The following PODXL variants were observed in gnomAD, a reference collection of about 807,000 sequenced individuals.
The protein encoded by PODXL is podocalyxin.
In PODXL, 20 loss-of-function variants were observed where a neutral mutation model predicts 48.9. That is an observed-to-expected ratio of 0.41 (90% CI 0.29 to 0.59). The LOEUF is 0.59. Ranked by LOEUF, PODXL falls within the 20% of genes least tolerant of loss-of-function variation. PODXL has a pLI of 0.31. For missense variants in PODXL, 606 were observed against 675.1 expected (o/e 0.90, Z 1.13); for synonymous variants, 295 against 287.4 (o/e 1.03, Z -0.27).
intron 1 of PODXL, among the ~76,000 whole-genome samples, chr7:131,526,083 G>C (rs1798181248): frequency 6.6e-6 from 1 of 152,174 alleles, no homozygotes; most frequent in African/African-American, 2.4e-5. Flanking sequence ...TTTGGTTTCT[G>C]ATACCATTCT....
At chr7:131,551,806 G>T (rs975881533) in intron 1 of PODXL, among the ~76,000 whole-genome samples, 3 of 152,026 alleles carry the variant, frequency 2.0e-5, no homozygotes, top group African/African-American at 7.2e-5. Context: ...GCGTGGAGGT[G>T]GGCGCCTGTA....
At chr7:131,524,379 C>CACAGAGAGAGAGAGAGAG (rs746255906) in intron 1 of PODXL, among the ~76,000 whole-genome samples, 2,474 of 103,892 alleles carry the variant, frequency 0.024, 94 homozygotes, top group Middle Eastern at 0.037. Flanking sequence ...CACACACACA[C>CACAGAGAGAGAGAGAGAG]AGAGAGAGAG....
intron 7 of PODXL, 34 bp from the exon 8 acceptor site, chr7:131,506,069 C>T: frequency 1.3e-6 from 2 of 1,594,760 alleles, no homozygotes; most frequent in Non-Finnish European, 1.7e-6. Flanking sequence ...AGGCTGGGGG[C>T]ATCCTCTCTC....
intron 1 of PODXL, among the ~76,000 whole-genome samples, chr7:131,531,013 G>A (rs542018332): frequency 9.2e-5 from 14 of 151,842 alleles, no homozygotes; most frequent in African/African-American, 2.9e-4. Context: ...AGCCAAGATC[G>A]CACCATTGCA....
At chr7:131,532,158 G>A (rs1358028499) in intron 1 of PODXL, among the ~76,000 whole-genome samples, 2 of 148,424 alleles carry the variant, frequency 1.3e-5, no homozygotes, top group South Asian at 2.1e-4. Flanking sequence ...ACACGTGGCC[G>A]GGCGTGGTGG....
chr7:131,504,919 G>A (rs182845086), intron 8 of PODXL, among the ~76,000 whole-genome samples: 1 of 152,186 alleles, frequency 6.6e-6, no homozygotes, highest in African/African-American at 2.4e-5. Flanking sequence ...TGGGCAGGAT[G>A]GGTACGGTGT....
At chr7:131,512,256 C>T (rs372957787) in intron 1 of PODXL, among the ~76,000 whole-genome samples, 5 of 152,062 alleles carry the variant, frequency 3.3e-5, no homozygotes, top group African/African-American at 1.2e-4. Flanking sequence ...ATGGTGAACA[C>T]GACACAGAGA....
chr7:131,556,355 C>G lies in PODXL; in HGVS notation c.5G>C (p.Arg2Pro). 7.0e-7 allele frequency: 1 copy of G among 1,427,520 alleles called. No homozygotes were observed. Among genetic ancestry groups the G allele is most frequent in the African/African-American group, 1.5e-5 (1 of 67,720 alleles). The allele number at this position is 1,427,520 out of a possible 1,614,324, so 88.4% of individuals were successfully genotyped here. Reference protein sequence around the residue: MRCALALSALLL... With the variant: MPCALALSALLL... ...CAGCGCCGAGAGCGCCAGCGCGCAG[C>G]GCATCGTGTCGTCGCCTCTGGGCCG... The change falls in exon 1 of 9, where the codon CGC (arginine) becomes CCC (proline). Residue 2 changes from arginine (R) to proline (P), a missense_variant. By Grantham distance (103) the Arg-to-Pro change is moderately radical (BLOSUM62 -2). Coordinates refer to ENST00000378555, the MANE Select transcript of PODXL (RefSeq NM_001018111.3).
intron 1 of PODXL, among the ~76,000 whole-genome samples, chr7:131,547,400 C>CAAAAAAAAAA (rs1798597669): frequency 1.3e-5 from 1 of 78,450 alleles, no homozygotes; most frequent in Admixed American, 1.5e-4. Context: ...AAAAAAAAAT[C>CAAAAAAAAAA]AACACGTGTG....
rs145531244 is a variant in PODXL at position 131,527,326 on chromosome 7, G to T, written c.101-15893C>A. Among the ~76,000 whole-genome samples the T allele has an allele frequency of 2.0e-5, 3 of 152,242 alleles. No individual in the cohort carries two copies. The East Asian group carries it at 5.8e-4, about 29-fold the overall frequency. On this transcript the variant is annotated intron_variant, in intron 1 of 8. Transcript: ENST00000378555. The stretch of plus-strand genomic sequence containing the variant: ...ATATTAGGCAATAAAAGAAGAACAA[G>T]AACACTCATACGGTTCTACTTACAA...
intron 1 of PODXL, among the ~76,000 whole-genome samples, chr7:131,532,127 ATC>A (rs1584823361): frequency 5.9e-4 from 84 of 142,678 alleles, no homozygotes; most frequent in East Asian, 2.1e-3. Flanking sequence ...AATAATAATC[ATC>A]ATCATCATCA....
chr7:131,541,672 CAAA>C (rs35142409), intron 1 of PODXL, among the ~76,000 whole-genome samples: 2 of 95,638 alleles, frequency 2.1e-5, no homozygotes, highest in Non-Finnish European at 2.4e-5. Flanking sequence ...GACTCCGTCT[CAAA>C]AAAAAAAAAA....
At chr7:131,539,364 C>T (rs1643254) in intron 1 of PODXL, among the ~76,000 whole-genome samples, 143,046 of 152,248 alleles carry the variant, frequency 0.94, 67,790 homozygotes, top group East Asian at 1. Flanking sequence ...AGGGTCTTGC[C>T]CTGTCACCCA....
intron 1 of PODXL, among the ~76,000 whole-genome samples, chr7:131,526,391 TTAAA>T (rs1798186223): frequency 6.6e-6 from 1 of 151,862 alleles, no homozygotes; most frequent in South Asian, 2.1e-4. Flanking sequence ...AAATAAATGA[TTAAA>T]TAAATAAAGC....
intron 1 of PODXL, among the ~76,000 whole-genome samples, chr7:131,549,454 G>A (rs1292138534): frequency 2.0e-5 from 3 of 152,196 alleles, no homozygotes; most frequent in Non-Finnish European, 4.4e-5. Context: ...AAGGGACTCA[G>A]TCCTCAGGCA....
chr7:131,552,123 C>T (rs1379925879), intron 1 of PODXL, among the ~76,000 whole-genome samples: 1 of 152,194 alleles, frequency 6.6e-6, no homozygotes, highest in Non-Finnish European at 1.5e-5. Context: ...AACTCCCCTT[C>T]CAGGGAGCCT....
In PODXL at chr7:131,510,973, A is replaced by G; in HGVS notation, c.561T>C (p.Leu187=). Residue 187 remains leucine (L), a synonymous_variant, in exon 2 of 9, where the codon CTT becomes CTC. Transcript: ENST00000378555. ...HLTTPHPTSP[L]SPRQPTSTHP... The stretch of plus-strand genomic sequence containing the variant: ...GCGTCGAAGTGGGTTGTCGGGGGCT[A>G]AGTGGACTTGTAGGGTGAGGGGTCG... 4 of 1,614,038 alleles carry G rather than the reference A, an allele frequency of 2.5e-6. No individual in the cohort carries two copies. The highest frequency in any genetic ancestry group is 2.5e-6 in the Non-Finnish European group (3 of 1,180,004).
intron 1 of PODXL, among the ~76,000 whole-genome samples, chr7:131,532,528 TACA>T (rs1798299906): frequency 6.7e-6 from 1 of 149,692 alleles, no homozygotes. Context: ...GGAGGGGGGG[TACA>T]TTTTTGGTCT....
At chr7:131,505,444 C>T (rs1396271735) in intron 8 of PODXL, among the ~76,000 whole-genome samples, 5 of 151,910 alleles carry the variant, frequency 3.3e-5, no homozygotes, top group South Asian at 2.1e-4. Flanking sequence ...GTCAGGAGTT[C>T]GAGACTAGCC....
Sources: gnomAD v4.1 joint callset for allele counts (sites outside exome capture counted in the v4.1 genomes callset) on GRCh38, gnomAD v4.1.1 for gene constraint, MANE v1.5 for transcripts, NCBI Gene and HGNC (gene_info 2026-07-23, HGNC 2026-07-21) for gene names.